The following TYR variants were observed in gnomAD, a reference collection of about 807,000 sequenced individuals.
TYR encodes the protein LB24-AB.
Under a neutral mutation model 51.5 loss-of-function variants are expected in TYR, and 58 were observed. The ratio of observed to expected loss-of-function variants is 1.13; its 90% CI spans 0.91 to 1.40. The LOEUF is 1.40. Among genes scored for constraint, TYR ranks in the 40% most tolerant of loss-of-function variants. The pLI is 0.00. For synonymous variants in TYR, 263 were observed against 235.2 expected (o/e 1.12, Z -1.08); for missense variants, 732 against 647.4 (o/e 1.13, Z -1.42).
chr11:89,268,187 C>T (rs1458691665), intron 3 of TYR, among the ~76,000 whole-genome samples: 2 of 151,808 alleles, frequency 1.3e-5, no homozygotes, highest in African/African-American at 2.4e-5. Flanking sequence ...GAGGTTCAAA[C>T]GAGTTCCTGT....
At chr11:89,215,671 T>C (rs1014968389) in intron 2 of TYR, among the ~76,000 whole-genome samples, 6 of 152,318 alleles carry the variant, frequency 3.9e-5, no homozygotes, top group African/African-American at 1.2e-4. Context: ...ATCATGATTG[T>C]GTTGCACAGA....
In TYR at chr11:89,178,342, A is replaced by G; in HGVS notation, c.389A>G (p.Glu130Gly). The G allele has an allele frequency of 6.2e-7, 1 of 1,614,224 alleles. No individual in the cohort carries two copies. The highest frequency in any genetic ancestry group is 8.5e-7 in the Non-Finnish European group (1 of 1,180,036). Residue 130 changes from glutamate (E) to glycine (G), a missense_variant, in exon 1 of 5, where the codon GAG (glutamate) becomes GGG (glycine). Coordinates refer to ENST00000263321, the MANE Select transcript of TYR (RefSeq NM_000372.5). ...RRNIFDLSAP[E>G]KDKFFAYLTL... ...AACATCTTCGATTTGAGTGCCCCAG[A>G]GAAGGACAAATTTTTTGCCTACCTC...
At chr11:89,228,900 A>G (rs750064817) in intron 3 of TYR, among the ~76,000 whole-genome samples, 1 of 151,884 alleles carries the variant, frequency 6.6e-6, no homozygotes. Context: ...AAAATAAAGC[A>G]TCAAATCATG....
At chr11:89,180,701 G>A (rs1363056885) in intron 1 of TYR, among the ~76,000 whole-genome samples, 2 of 152,092 alleles carry the variant, frequency 1.3e-5, no homozygotes, top group Non-Finnish European at 2.9e-5. Flanking sequence ...GATGACTGAA[G>A]AGAAACAAGC....
intron 2 of TYR, among the ~76,000 whole-genome samples, chr11:89,212,194 T>G (rs987372775): frequency 6.6e-6 from 1 of 151,904 alleles, no homozygotes; most frequent in African/African-American, 2.4e-5. Context: ...GATAGAACAT[T>G]AGCAAGACTA....
intron 3 of TYR, among the ~76,000 whole-genome samples, chr11:89,249,550 T>C (rs10741305): frequency 0.61 from 91,125 of 150,576 alleles, 29,839 homozygotes; most frequent in African/African-American, 0.88. Context: ...AGAAAAGTAC[T>C]TGTTGGGTCT....
chr11:89,240,705 T>A (rs1489349233), intron 3 of TYR, among the ~76,000 whole-genome samples: 1 of 152,132 alleles, frequency 6.6e-6, no homozygotes, highest in Non-Finnish European at 1.5e-5. Context: ...CTAATTTTCT[T>A]TCTGGACTTT....
At chr11:89,292,924 A>C (rs1183014137) in intron 4 of TYR, among the ~76,000 whole-genome samples, 4 of 152,304 alleles carry the variant, frequency 2.6e-5, no homozygotes, top group African/African-American at 9.6e-5. Context: ...TTGTAAAGGA[A>C]TGGCCTGCTA....
At chr11:89,231,208 C>T (rs1944044916) in intron 3 of TYR, among the ~76,000 whole-genome samples, 1 of 147,958 alleles carries the variant, frequency 6.8e-6, no homozygotes, top group Non-Finnish European at 1.5e-5. Context: ...AATTGTTGTA[C>T]TGTTCATGGG....
At chr11:89,223,632 G>A (rs946712425) in intron 2 of TYR, among the ~76,000 whole-genome samples, 6 of 151,910 alleles carry the variant, frequency 3.9e-5, no homozygotes, top group African/African-American at 1.5e-4. Context: ...TTTTATATTT[G>A]TTTATCTTTT....
intron 2 of TYR, among the ~76,000 whole-genome samples, chr11:89,215,954 C>T (rs1793566742): frequency 6.6e-6 from 1 of 152,074 alleles, no homozygotes; most frequent in Non-Finnish European, 1.5e-5. Flanking sequence ...ACCTCTGTTA[C>T]TATATTATTA....
chr11:89,178,259 C>T lies in TYR; in HGVS notation c.306C>T (p.Asn102=). Residue 102 remains asparagine, a synonymous_variant, in exon 1 of 5, where the codon AAC becomes AAT. Transcript: ENST00000263321. ...ACTTCATGGGATTCAACTGTGGAAA[C>T]TGCAAGTTTGGCTTTTGGGGACCAA... is the stretch of plus-strand genomic sequence containing the variant. ...SGNFMGFNCG[N]CKFGFWGPNC... 1 of 1,614,196 alleles carries T rather than the reference C, an allele frequency of 6.2e-7. No homozygotes were observed. The highest frequency in any genetic ancestry group is 8.5e-7 in the Non-Finnish European group (1 of 1,180,044).
In TYR at chr11:89,258,830, A is replaced by G. The variant is rs140470199; in HGVS notation, c.1185-25943A>G. Reference sequence around the variant, plus strand: ...TCAAATCTAATACCAGAGACCAACTATGAGGCTCTGATAAAACACCATTCC... The same window carrying G: ...TCAAATCTAATACCAGAGACCAACTGTGAGGCTCTGATAAAACACCATTCC... On this transcript the variant is annotated intron_variant, in intron 3 of 4. Transcript: ENST00000263321. Among the ~76,000 whole-genome samples, 739 of 152,190 alleles carry G rather than the reference A, an allele frequency of 4.9e-3. 5 individuals carry two copies. The highest frequency in any genetic ancestry group is 0.017 in the African/African-American group (716 of 41,548).
chr11:89,194,954 G>T (rs926172023), intron 2 of TYR, among the ~76,000 whole-genome samples: 1 of 152,076 alleles, frequency 6.6e-6, no homozygotes, highest in African/African-American at 2.4e-5. Flanking sequence ...TTCTTTCATT[G>T]GGAAGGAAAC....
intron 2 of TYR, among the ~76,000 whole-genome samples, chr11:89,220,364 A>T (rs1943893017): frequency 6.6e-6 from 1 of 152,152 alleles, no homozygotes; most frequent in South Asian, 2.1e-4. Flanking sequence ...CTATTGTGAG[A>T]ACAGCACCAA....
Position 89,177,950 on chromosome 11 carries a change from A to G in TYR, c.-4A>G. ...CTGCAGACCTTGTGAGGACTAGAGGAAGAATGCTCCTGGCTGTTTTGTACT... is the reference window on the plus strand; with the variant it reads ...CTGCAGACCTTGTGAGGACTAGAGGGAGAATGCTCCTGGCTGTTTTGTACT... On this transcript the variant is annotated 5_prime_UTR_variant, in exon 1 of 5. Transcript: ENST00000263321. 6.2e-7 allele frequency: 1 copy of G among 1,613,952 alleles called. No homozygotes were observed. Among genetic ancestry groups the G allele is most frequent in the Non-Finnish European group, 8.5e-7 (1 of 1,180,004 alleles).
chr11:89,238,310 G>T (rs34486762), intron 3 of TYR, among the ~76,000 whole-genome samples: 1 of 151,974 alleles, frequency 6.6e-6, no homozygotes, highest in African/African-American at 2.4e-5. Flanking sequence ...TATATATTTA[G>T]TAAGTACAAT....
intron 3 of TYR, among the ~76,000 whole-genome samples, chr11:89,278,066 A>G (rs1256279542): frequency 6.6e-6 from 1 of 151,684 alleles, no homozygotes; most frequent in Non-Finnish European, 1.5e-5. Flanking sequence ...TGATCCCTAT[A>G]GACATATTGG....
intron 3 of TYR, among the ~76,000 whole-genome samples, chr11:89,264,082 T>G (rs1944495224): frequency 1.3e-5 from 2 of 152,050 alleles, no homozygotes; most frequent in South Asian, 2.1e-4. Context: ...TCTAGAGACT[T>G]TAAGTGGGGG....
Sources: gnomAD v4.1 joint callset for allele counts (sites outside exome capture counted in the v4.1 genomes callset) on GRCh38, gnomAD v4.1.1 for gene constraint, MANE v1.5 for transcripts, NCBI Gene and HGNC (gene_info 2026-07-23, HGNC 2026-07-21) for gene names.